Variants in RAB38 observed in about 807,000 individuals in gnomAD.
RAB38 encodes the protein ras-related protein Rab-38.
Under a neutral mutation model 18.4 loss-of-function variants are expected in RAB38, and 15 were observed. The observed-to-expected ratio is 0.82, with a 90% CI of 0.55 to 1.26. The LOEUF (loss-of-function observed/expected upper bound fraction) is 1.26. RAB38 is among the 50% of genes most tolerant of loss of function. The pLI, the probability that RAB38 is intolerant of heterozygous loss-of-function variation, is 0.00. For synonymous variants in RAB38, 101 were observed against 104.4 expected (o/e 0.97, Z 0.20); for missense variants, 294 against 267.4 (o/e 1.10, Z -0.69).
chr11:87,873,317 T>C, the RAB38 span, among the ~76,000 whole-genome samples: 4 of 151,664 alleles, frequency 2.6e-5, no homozygotes, highest in African/African-American at 4.8e-5. Flanking sequence ...GGGTTAAAAC[T>C]TAAGGCTTCT....
the RAB38 span, among the ~76,000 whole-genome samples, chr11:88,047,511 C>G: frequency 2.0e-5 from 3 of 152,196 alleles, no homozygotes; most frequent in African/African-American, 7.2e-5. Flanking sequence ...TGCCTTAAGT[C>G]AAGCCCTCAC....
At chr11:87,910,894 C>T in the RAB38 span, among the ~76,000 whole-genome samples, 1 of 152,016 alleles carries the variant, frequency 6.6e-6, no homozygotes, top group African/African-American at 2.4e-5. Flanking sequence ...CCTCATCCTC[C>T]CAAAGTGCTG....
the RAB38 span, among the ~76,000 whole-genome samples, chr11:87,960,990 T>A: frequency 6.6e-6 from 1 of 152,184 alleles, no homozygotes; most frequent in East Asian, 1.9e-4. Context: ...AACAGAGAAT[T>A]CACAGCATAT....
the RAB38 span, among the ~76,000 whole-genome samples, chr11:88,051,039 A>G: frequency 6.6e-6 from 1 of 152,174 alleles, no homozygotes; most frequent in African/African-American, 2.4e-5. Flanking sequence ...TTAAATTGCA[A>G]CATTTTGTTC....
At chr11:87,856,990 T>A in the RAB38 span, among the ~76,000 whole-genome samples, 2 of 152,116 alleles carry the variant, frequency 1.3e-5, no homozygotes. Flanking sequence ...ATTAGGTATA[T>A]CTCCTAATGC....
the RAB38 span, among the ~76,000 whole-genome samples, chr11:88,051,981 G>A: frequency 3.9e-5 from 6 of 152,016 alleles, no homozygotes; most frequent in Admixed American, 3.9e-4. Context: ...AAATTAGCTG[G>A]GCATGGTGAC....
chr11:87,896,017 G>C, the RAB38 span, among the ~76,000 whole-genome samples: 4 of 151,584 alleles, frequency 2.6e-5, no homozygotes, highest in Non-Finnish European at 3.0e-5. Flanking sequence ...GTTAATAATT[G>C]AGATGCTCTT....
At chr11:87,815,015 G>C in the RAB38 span, 2 of 152,548 alleles carry the variant, frequency 1.3e-5, no homozygotes, top group African/African-American at 2.4e-5. Context: ...TTACAGGCGT[G>C]AGCCACCGTG....
intron 2 of RAB38, among the ~76,000 whole-genome samples, chr11:88,121,908 G>A (rs985060812): frequency 6.6e-6 from 1 of 152,166 alleles, no homozygotes; most frequent in Non-Finnish European, 1.5e-5. Context: ...GTCTATTGAA[G>A]GAATGAGGAC....
downstream of RAB38, among the ~76,000 whole-genome samples, chr11:88,112,545 G>A (rs542933930): frequency 1.3e-5 from 2 of 152,228 alleles, no homozygotes; most frequent in African/African-American, 2.4e-5. Context: ...GAGCTACCAC[G>A]TTTCCTCCAC....
At chr11:88,035,075 A>T in the RAB38 span, among the ~76,000 whole-genome samples, 3 of 152,198 alleles carry the variant, frequency 2.0e-5, no homozygotes. Flanking sequence ...TCTGCTGATT[A>T]ACAATGTTGA....
intron 1 of RAB38, among the ~76,000 whole-genome samples, chr11:88,154,442 A>G (rs933424174): frequency 6.6e-5 from 10 of 152,186 alleles, no homozygotes; most frequent in Non-Finnish European, 1.0e-4. Flanking sequence ...TCTACTGGGC[A>G]GTAATACTTG....
the RAB38 span, among the ~76,000 whole-genome samples, chr11:87,913,254 T>C: frequency 6.6e-6 from 1 of 152,142 alleles, no homozygotes; most frequent in African/African-American, 2.4e-5. Flanking sequence ...TTATTGAAGA[T>C]ACAGATTTTC....
the RAB38 span, among the ~76,000 whole-genome samples, chr11:88,018,652 T>C: frequency 6.6e-6 from 1 of 152,178 alleles, no homozygotes; most frequent in African/African-American, 2.4e-5. Context: ...CCAGGACCCC[T>C]GCAGCTACCA....
intron 2 of RAB38, among the ~76,000 whole-genome samples, chr11:88,136,356 G>A (rs1015239882): frequency 3.3e-5 from 5 of 152,168 alleles, no homozygotes; most frequent in African/African-American, 1.2e-4. Flanking sequence ...ACAAATCTAA[G>A]GGCGCTTCAA....
chr11:88,018,537 G>A, the RAB38 span, among the ~76,000 whole-genome samples: 1 of 151,858 alleles, frequency 6.6e-6, no homozygotes. Flanking sequence ...TTCTCATTTT[G>A]AACCTACTCC....
At chr11:87,967,356 G>T in the RAB38 span, among the ~76,000 whole-genome samples, 31 of 152,290 alleles carry the variant, frequency 2.0e-4, no homozygotes, top group African/African-American at 7.0e-4. Context: ...ATCAGTTAAT[G>T]TGTGGTTTGG....
chr11:87,923,420 AATTT>A, the RAB38 span, among the ~76,000 whole-genome samples: 1 of 151,906 alleles, frequency 6.6e-6, no homozygotes, highest in Non-Finnish European at 1.5e-5. Context: ...AATTGGAAAT[AATTT>A]ATTTATTTAT....
chr11:87,855,270 T>C, the RAB38 span, among the ~76,000 whole-genome samples: 2 of 152,208 alleles, frequency 1.3e-5, no homozygotes, highest in South Asian at 4.1e-4. Context: ...TCATGATTTG[T>C]TCAGTGTATA....
Sources: allele counts gnomAD v4.1 joint callset (sites outside exome capture counted in the v4.1 genomes callset), GRCh38; gene constraint gnomAD v4.1.1; transcripts MANE v1.5; gene names NCBI Gene and HGNC (gene_info 2026-07-23, HGNC 2026-07-21).